Variants in NMT1 observed in about 807,000 individuals in gnomAD.
The protein encoded by NMT1 is glycylpeptide N-tetradecanoyltransferase 1.
A neutral mutation model predicts 63.4 loss-of-function variants in NMT1; 12 were observed. The observed-to-expected ratio is 0.19, with a 90% CI of 0.12 to 0.31. NMT1 has a LOEUF of 0.31. Ranked by LOEUF, NMT1 falls within the 10% of genes least tolerant of loss-of-function variation. NMT1 has a pLI of 1.00. For synonymous variants in NMT1, 228 were observed against 234.3 expected (o/e 0.97, Z 0.25); for missense variants, 432 against 634.6 (o/e 0.68, Z 3.43).
intron 3 of NMT1, among the ~76,000 whole-genome samples, chr17:45,090,820 G>C (rs2054082734): frequency 6.6e-6 from 1 of 152,108 alleles, no homozygotes; most frequent in South Asian, 2.1e-4. Flanking sequence ...ATTGGTTCAT[G>C]TTGGCCTTGA....
intron 8 of NMT1, among the ~76,000 whole-genome samples, chr17:45,100,591 G>T (rs1464971555): frequency 6.7e-6 from 1 of 149,582 alleles, no homozygotes; most frequent in East Asian, 2.0e-4. Flanking sequence ...CCTGGGCGTG[G>T]TGGCTCACGC....
intron 8 of NMT1, among the ~76,000 whole-genome samples, chr17:45,100,163 A>G (rs1004661633): frequency 1.3e-5 from 2 of 152,044 alleles, no homozygotes; most frequent in Non-Finnish European, 2.9e-5. Context: ...GTCACAGCTC[A>G]CTGCAGCCTC....
intron 8 of NMT1, among the ~76,000 whole-genome samples, chr17:45,101,938 G>A (rs74612531): frequency 2.6e-5 from 4 of 152,192 alleles, no homozygotes; most frequent in Admixed American, 6.5e-5. Flanking sequence ...GTTCTAGGCC[G>A]GTGGGCAGGC....
rs771722999 is a variant in NMT1 at position 45,104,888 on chromosome 17, T to C, written c.1362T>C (p.Asp454=). ...GGTTTGATGTGTTCAATGCACTGGATCTCATGGAGAACAAAACCTTCCTGG... is the reference window on the plus strand; with the variant it reads ...GGTTTGATGTGTTCAATGCACTGGACCTCATGGAGAACAAAACCTTCCTGG... The part of the protein sequence containing the change: ...MKGFDVFNAL[D]LMENKTFLEK... The change falls in exon 11 of 12, where the codon GAT becomes GAC. Residue 454 remains aspartate (D), a synonymous_variant. Transcript: ENST00000258960. The surrounding 1 kb of genome is among the most constrained non-coding windows in gnomAD (Gnocchi z 4.2). 6 of 1,614,194 alleles carry C rather than the reference T, an allele frequency of 3.7e-6. No individual in the cohort carries two copies. In the Admixed American group the frequency reaches 1.0e-4, roughly 27 times the overall value.
chr17:45,096,429 G>C (rs893626223), intron 5 of NMT1, 144 bp downstream of exon 5: 1 of 689,704 alleles, frequency 1.4e-6, no homozygotes, highest in African/African-American at 1.8e-5. Context: ...GCATCTGAAG[G>C]ACACTTGCTT....
intron 2 of NMT1, among the ~76,000 whole-genome samples, chr17:45,083,477 T>A (rs1317211271): frequency 6.6e-6 from 1 of 152,210 alleles, no homozygotes; most frequent in African/African-American, 2.4e-5. Context: ...TATTGAGATA[T>A]GACTTCAAGT....
intron 2 of NMT1, among the ~76,000 whole-genome samples, chr17:45,085,800 T>A (rs1373046740): frequency 6.6e-6 from 1 of 151,856 alleles, no homozygotes; most frequent in Non-Finnish European, 1.5e-5. Flanking sequence ...ACCCCTTCTT[T>A]GAATTGTACC....
At position 45,103,620 on chromosome 17, in the gene NMT1, C is replaced by CT; in HGVS notation, c.1165-88dup. 1 of 1,337,108 alleles carries CT rather than the reference C, an allele frequency of 7.5e-7. No individual in the cohort carries two copies. 82.8% of individuals were successfully genotyped at this position (1,337,108 alleles called of 1,614,324 possible). On this transcript the variant is annotated intron_variant, in intron 9 of 11. Coordinates refer to ENST00000258960, the MANE Select transcript of NMT1 (RefSeq NM_021079.5). This position sits in a 1 kb window ranked among gnomAD's most constrained non-coding sequence, Gnocchi z 4.8. ...CATTTATCTAGAGGGGCAGAGCTGC[C>CT]TGAAGGTGGAGTGAGAGAAACATTT...
In NMT1 at chr17:45,086,750, C is replaced by G; in HGVS notation, c.385+98C>G. On this transcript the variant is annotated intron_variant, in intron 3 of 11. Transcript: ENST00000258960. ...TCATGCTGAATTACTGTAGGGAGGGCAGTAGAGTCCTGGAGTTCCTTGGTA... is the reference window on the plus strand; with the variant it reads ...TCATGCTGAATTACTGTAGGGAGGGGAGTAGAGTCCTGGAGTTCCTTGGTA... The G allele has an allele frequency of 4.6e-6, 6 of 1,298,292 alleles. No homozygotes were observed. The South Asian group carries it at 9.2e-5, about 20-fold the overall frequency. 80.4% of individuals were successfully genotyped at this position (1,298,292 alleles called of 1,614,324 possible). A position where few individuals can be genotyped will look rare whatever the true frequency, so the allele number is the denominator to read the frequency against.
rs1292079143 is a variant in NMT1, at chr17:45,061,348, A to C, written c.19A>C (p.Thr7Pro). The change falls in exon 1 of 12, where the codon ACA becomes CCA. Residue 7 changes from threonine to proline, a missense_variant. By Grantham distance (38) the Thr-to-Pro change is conservative (BLOSUM62 -1). This residue lies in a region of NMT1 where 121 missense variants were observed against 103.7 expected (regional missense o/e 1.17). Transcript: ENST00000258960. MADESE[T>P]AVKPPAPPLP... is the part of the protein sequence containing the mutation. ...ACTCAAGATGGCGGACGAGAGTGAG[A>C]CAGCAGTGAAGCCGCCGGCACCTCC... 1.2e-6 allele frequency: 2 copies of C among 1,613,978 alleles called. No homozygotes were observed. Among genetic ancestry groups the C allele is most frequent in the Non-Finnish European group, 1.7e-6 (2 of 1,179,954 alleles).
At position 45,107,087 on chromosome 17, in the gene NMT1, G is replaced by A. The variant is rs1244138051; in HGVS notation, c.*1448G>A. The A allele has an allele frequency of 6.6e-6, 1 of 152,232 alleles. No individual in the cohort carries two copies. The highest frequency in any genetic ancestry group is 2.4e-5 in the African/African-American group (1 of 41,446). The allele number at this position is 152,232 out of a possible 1,614,324, so 9.4% of individuals were successfully genotyped here. On this transcript the variant is annotated 3_prime_UTR_variant, in exon 12 of 12. Coordinates refer to ENST00000258960, the MANE Select transcript of NMT1 (RefSeq NM_021079.5). ...CGTGTGGTGTGCGGGTTTCCTTGCT[G>A]CCGTCACCTCTCCGCTCATACAGGA...
chr17:45,099,771 AC>A, intron 8 of NMT1: 1 of 476,766 alleles, frequency 2.1e-6, no homozygotes, highest in Non-Finnish European at 3.8e-6. Context: ...CTCAGAGAAC[AC>A]CTATTCTCTG....
rs2054188424 is a variant in NMT1 at position 45,104,210 on chromosome 17, T to C, written c.1332+334T>C. On this transcript the variant is annotated intron_variant, in intron 10 of 11. Transcript: ENST00000258960. This position sits in a 1 kb window ranked among gnomAD's most constrained non-coding sequence, Gnocchi z 4.2. ...CTTTCCCAGCGTGGGAAAGGGGTGA[T>C]TGCTGTCTGTCGTGGTGAGTCATTG... 1 of 1,237,642 alleles carries C rather than the reference T, an allele frequency of 8.1e-7. No individual in the cohort carries two copies. The highest frequency in any genetic ancestry group is 3.5e-5 in the Admixed American group (1 of 28,432). The allele number at this position is 1,237,642 out of a possible 1,614,324, so 76.7% of individuals were successfully genotyped here. A position where few individuals can be genotyped will look rare whatever the true frequency, so the allele number is the denominator to read the frequency against.
chr17:45,077,450 G>A (rs1022558178), intron 1 of NMT1, among the ~76,000 whole-genome samples: 1 of 152,206 alleles, frequency 6.6e-6, no homozygotes, highest in African/African-American at 2.4e-5. Context: ...TAGTATAGTG[G>A]TGCAATCTTG....
Position 45,107,931 on chromosome 17 carries a change from GT to G in NMT1, c.*2295del, listed in dbSNP as rs3214106. 0.11 allele frequency: 16,319 copies of G among 152,356 alleles called. 1,004 individuals are homozygous for G. Among genetic ancestry groups the G allele is most frequent in the Middle Eastern group, 0.17 (51 of 294 alleles). The allele number at this position is 152,356 out of a possible 1,614,324, so 9.4% of individuals were successfully genotyped here. Reference sequence around the variant, plus strand: ...TGAGAACTCTGCCCAGGTGTGCAGGGTTTGGCTTGTGGGCTGCTTGCTGCTC... The same window carrying G: ...TGAGAACTCTGCCCAGGTGTGCAGGGTTGGCTTGTGGGCTGCTTGCTGCTC... On this transcript the variant is annotated 3_prime_UTR_variant, in exon 12 of 12. Coordinates refer to ENST00000258960, the MANE Select transcript of NMT1 (RefSeq NM_021079.5).
chr17:45,095,249 G>A (rs1232214363), intron 4 of NMT1, among the ~76,000 whole-genome samples: 1 of 151,854 alleles, frequency 6.6e-6, no homozygotes, highest in East Asian at 1.9e-4. Flanking sequence ...TGGGATTACA[G>A]GTGTCTGTCA....
At chr17:45,101,140 C>A (rs570410462) in intron 8 of NMT1, among the ~76,000 whole-genome samples, 197 of 151,742 alleles carry the variant, frequency 1.3e-3, no homozygotes, top group South Asian at 7.9e-3. Flanking sequence ...GCTGAGATAG[C>A]GCCATTGCAC....
Position 45,103,875 on chromosome 17 carries a change from T to C in NMT1, c.1331T>C (p.Met444Thr). The C allele has an allele frequency of 6.2e-7, 1 of 1,613,760 alleles. No individual in the cohort carries two copies. Among genetic ancestry groups the C allele is most frequent in the Non-Finnish European group, 8.5e-7 (1 of 1,179,978 alleles). The change falls in exon 10 of 12, where the codon ATG (methionine) becomes ACG (threonine). Residue 444 changes from methionine to threonine, a missense_variant and splice_region_variant. Physicochemically the swap from Met to Thr is moderately conservative, Grantham distance 81 (BLOSUM62 -1). Coordinates refer to ENST00000258960, the MANE Select transcript of NMT1 (RefSeq NM_021079.5). The surrounding 1 kb of genome is among the most constrained non-coding windows in gnomAD (Gnocchi z 4.8). ...AGCGACGCCCTTGTCCTCGCCAAAA[T>C]GGTGAGGAGCAGACGGGGGGGTCTC... ...LMSDALVLAK[M>T]KGFDVFNALD...
intron 3 of NMT1, among the ~76,000 whole-genome samples, chr17:45,087,983 A>G (rs2054065381): frequency 6.6e-6 from 1 of 152,216 alleles, no homozygotes. Flanking sequence ...CAGAATCAGA[A>G]CTGCCAGAGG....
Sources: gnomAD v4.1 joint callset for allele counts (sites outside exome capture counted in the v4.1 genomes callset) on GRCh38, gnomAD v4.1.1 for gene constraint, gnomAD v4.1.1 regional missense constraint, Gnocchi (gnomAD v3.1) non-coding constraint, MANE v1.5 for transcripts, NCBI Gene and HGNC (gene_info 2026-07-23, HGNC 2026-07-21) for gene names.